Variants in PRKD1 observed in about 807,000 individuals in gnomAD.
PRKD1 encodes the protein serine/threonine-protein kinase D1.
Under a neutral mutation model 95.9 loss-of-function variants are expected in PRKD1, and 63 were observed. The ratio of observed to expected loss-of-function variants is 0.66; its 90% confidence interval spans 0.54 to 0.81. PRKD1 has a LOEUF of 0.81. Ranked by LOEUF, PRKD1 falls within the 30% of genes least tolerant of loss-of-function variation. The pLI is 0.00. For missense variants in PRKD1, 1,048 were observed against 1,165.3 expected (o/e 0.90, Z 1.47); for synonymous variants, 425 against 423.1 (o/e 1.00, Z -0.05).
chr14:29,906,505 C>G (rs45588231), intron 1 of PRKD1, among the ~76,000 whole-genome samples: 1 of 150,322 alleles, frequency 6.7e-6, no homozygotes, highest in South Asian at 2.1e-4. Context: ...ACGTCCCAGG[C>G]AGAGTGAGAC....
chr14:29,832,469 A>AATTGG (rs971184417), intron 1 of PRKD1, among the ~76,000 whole-genome samples: 2 of 152,012 alleles, frequency 1.3e-5, no homozygotes, highest in Non-Finnish European at 2.9e-5. Context: ...TTCAGACAAA[A>AATTGG]ATTGGCCTTT....
chr14:29,920,885 A>G (rs1895077032), intron 1 of PRKD1, among the ~76,000 whole-genome samples: 1 of 152,216 alleles, frequency 6.6e-6, no homozygotes, highest in Non-Finnish European at 1.5e-5. Flanking sequence ...CTATCATCAG[A>G]TGGAACAATT....
chr14:29,682,568 C>T (rs1883597349), intron 2 of PRKD1, among the ~76,000 whole-genome samples: 1 of 152,112 alleles, frequency 6.6e-6, no homozygotes, highest in Non-Finnish European at 1.5e-5. Flanking sequence ...TTTCCCACTG[C>T]ATTATTCATT....
chr14:29,693,651 C>A (rs199804288), intron 2 of PRKD1, among the ~76,000 whole-genome samples: 1,666 of 133,436 alleles, frequency 0.012, 36 homozygotes, highest in African/African-American at 0.04. Flanking sequence ...ACAACAACAA[C>A]AAAAAAAAAA....
chr14:29,825,962 T>C (rs1043700042), intron 1 of PRKD1, among the ~76,000 whole-genome samples: 7 of 151,870 alleles, frequency 4.6e-5, no homozygotes, highest in East Asian at 1.9e-4. Context: ...TAGGTCTTCA[T>C]AGACAGGGGA....
At chr14:29,583,663 C>A (rs1375306766) in intron 16 of PRKD1, among the ~76,000 whole-genome samples, 1 of 151,654 alleles carries the variant, frequency 6.6e-6, no homozygotes, top group Non-Finnish European at 1.5e-5. Flanking sequence ...TAAATAGCCA[C>A]AACCGGGCAT....
At chr14:29,780,995 T>C (rs535232025) in intron 1 of PRKD1, among the ~76,000 whole-genome samples, 1 of 152,094 alleles carries the variant, frequency 6.6e-6, no homozygotes, top group African/African-American at 2.4e-5. Flanking sequence ...TGTAGGGACA[T>C]GGATGAAGCT....
intron 2 of PRKD1, among the ~76,000 whole-genome samples, chr14:29,687,256 T>C (rs1950127942): frequency 6.6e-6 from 1 of 152,168 alleles, no homozygotes; most frequent in African/African-American, 2.4e-5. Flanking sequence ...CTTATGATGA[T>C]GTATGAGGAA....
At position 29,642,228 on chromosome 14, in the gene PRKD1, A is replaced by G. The variant is rs115885233; in HGVS notation, c.697-3324T>C. On this transcript the variant is annotated intron_variant, in intron 4 of 17. Transcript: ENST00000331968. ...CGGCAAAAGTATTTCTAATGATGTG[A>G]TCACAAACTAAGACTTAAAGATTTT... Among the ~76,000 whole-genome samples, 194 of 151,198 alleles carry G rather than the reference A, an allele frequency of 1.3e-3. 1 individual carries two copies. The highest frequency in any genetic ancestry group is 4.5e-3 in the African/African-American group (187 of 41,504).
intron 4 of PRKD1, among the ~76,000 whole-genome samples, chr14:29,650,965 T>C (rs1342538586): frequency 6.6e-6 from 1 of 152,186 alleles, no homozygotes; most frequent in Non-Finnish European, 1.5e-5. Context: ...ACAGCTAAAC[T>C]TTTTATTATT....
chr14:29,577,471 C>G lies in PRKD1; in HGVS notation c.2521-15G>C. The G allele has an allele frequency of 6.2e-7, 1 of 1,604,636 alleles. No individual in the cohort carries two copies. The highest frequency in any genetic ancestry group is 8.5e-7 in the Non-Finnish European group (1 of 1,171,840). ...GTCTGATAGTCCTGAAGAAGAAATT[C>G]CAAAATATTACCATAGAGATCATTA... is the stretch of plus-strand genomic sequence containing the variant. On this transcript the variant is annotated splice_polypyrimidine_tract_variant and intron_variant, in intron 17 of 17. Transcript: ENST00000331968.
intron 2 of PRKD1, among the ~76,000 whole-genome samples, chr14:29,706,044 C>T (rs779734500): frequency 6.6e-6 from 1 of 152,102 alleles, no homozygotes; most frequent in Non-Finnish European, 1.5e-5. Flanking sequence ...AGCAGCTGCA[C>T]CATTTTACAT....
At chr14:29,751,070 G>A (rs1887459569) in intron 1 of PRKD1, 1 of 152,100 alleles carries the variant, frequency 6.6e-6, no homozygotes. Context: ...TATGGTCAAG[G>A]TAATAACATG....
intron 2 of PRKD1, among the ~76,000 whole-genome samples, chr14:29,719,089 T>C (rs1244975024): frequency 2.6e-5 from 4 of 152,100 alleles, no homozygotes; most frequent in African/African-American, 9.7e-5. Flanking sequence ...AAAATGTTGT[T>C]ACCATATTTT....
intron 4 of PRKD1, 105 bp from the exon 5 acceptor site, chr14:29,639,009 T>C: frequency 4.9e-6 from 4 of 822,814 alleles, no homozygotes; most frequent in Non-Finnish European, 7.4e-6. Context: ...AGTACTTTGA[T>C]GTTTAATAAT....
chr14:29,773,459 C>CA (rs397798361), intron 1 of PRKD1, among the ~76,000 whole-genome samples: 25,584 of 86,424 alleles, frequency 0.3, 2,737 homozygotes, highest in South Asian at 0.4. Flanking sequence ...GGCTCTGTCT[C>CA]AAAAAAAAAA....
At chr14:29,701,839 G>A (rs1302709367) in intron 2 of PRKD1, among the ~76,000 whole-genome samples, 1 of 152,050 alleles carries the variant, frequency 6.6e-6, no homozygotes, top group Admixed American at 6.6e-5. Context: ...TTGCTACCTA[G>A]CATAATATGA....
intron 1 of PRKD1, among the ~76,000 whole-genome samples, chr14:29,817,694 G>T (rs1890747240): frequency 6.6e-6 from 1 of 151,986 alleles, no homozygotes; most frequent in Non-Finnish European, 1.5e-5. Context: ...AAACTTCTAG[G>T]CCAGGATTTG....
At chr14:29,690,380 T>C (rs1232035710) in intron 2 of PRKD1, among the ~76,000 whole-genome samples, 1 of 152,164 alleles carries the variant, frequency 6.6e-6, no homozygotes, top group Non-Finnish European at 1.5e-5. Context: ...CTGTTTCTCT[T>C]CTATGCTTCT....
Sources: allele counts gnomAD v4.1 joint callset (sites outside exome capture counted in the v4.1 genomes callset), GRCh38; gene constraint gnomAD v4.1.1; transcripts MANE v1.5; gene names NCBI Gene and HGNC (gene_info 2026-07-23, HGNC 2026-07-21).